GRID2: variants seen among roughly 807,000 people sequenced by gnomAD.
GRID2 encodes the protein glutamate ionotropic receptor delta type subunit 2, also known as glutamate receptor ionotropic, delta-2.
GRID2 carries 33 observed loss-of-function variants against 114.8 expected under a neutral mutation model. The observed-to-expected ratio is 0.29, with a 90% CI of 0.22 to 0.38. The LOEUF (loss-of-function observed/expected upper bound fraction) is 0.38. Ranked by LOEUF, GRID2 falls within the 10% of genes least tolerant of loss-of-function variation. The pLI, the probability that GRID2 is intolerant of heterozygous loss-of-function variation, is 1.00. For missense variants in GRID2, 1,184 were observed against 1,257.7 expected, an observed-to-expected ratio of 0.94 and a Z score of 0.89; for synonymous variants, 505 against 449.9, an observed-to-expected ratio of 1.12 and a Z score of -1.55.
Position 92,720,744 on chromosome 4 carries a change from C to T in GRID2, c.244+130458C>T, listed in dbSNP as rs371718858. Reference sequence around the variant, plus strand: ...TGATATGTACTACTTTTTTCAGAACCATCTTCTGAGTACAAGCCATCACTA... The same window carrying T: ...TGATATGTACTACTTTTTTCAGAACTATCTTCTGAGTACAAGCCATCACTA... On this transcript the variant is annotated intron_variant, in intron 2 of 15. Coordinates refer to ENST00000282020, the MANE Select transcript of GRID2 (RefSeq NM_001510.4). 1.2e-4 allele frequency among the ~76,000 whole-genome samples: 18 copies of T among 151,910 alleles called. No individual in the cohort carries two copies. In the East Asian group the frequency reaches 2.9e-3, roughly 25 times the overall value.
chr4:92,787,494 G>T (rs1156724826), intron 2 of GRID2, among the ~76,000 whole-genome samples: 1 of 151,838 alleles, frequency 6.6e-6, no homozygotes, highest in Non-Finnish European at 1.5e-5. Flanking sequence ...AGTTCAGGAG[G>T]GGACAGCTGG....
intron 2 of GRID2, among the ~76,000 whole-genome samples, chr4:92,817,178 A>G (rs544895804): frequency 6.6e-6 from 1 of 152,068 alleles, no homozygotes; most frequent in African/African-American, 2.4e-5. Context: ...TTCCTTCCTC[A>G]TATTCACCCT....
intron 1 of GRID2, among the ~76,000 whole-genome samples, chr4:92,554,925 T>C (rs1726777249): frequency 6.6e-6 from 1 of 152,158 alleles, no homozygotes; most frequent in Non-Finnish European, 1.5e-5. Context: ...CAAGTTATGG[T>C]AATTGTGTTT....
At position 92,929,382 on chromosome 4, in the gene GRID2, T is replaced by TA. The variant is rs369464560; in HGVS notation, c.245-155606dup. ...TTTTATATAACACCTATATTTTGAT[T>TA]AAAAAAATTATTTCTTCTTTAAAAG... On this transcript the variant is annotated intron_variant, in intron 2 of 15. Transcript: ENST00000282020. Among the ~76,000 whole-genome samples, 71 of 151,392 alleles carry TA rather than the reference T, an allele frequency of 4.7e-4. 1 individual carries two copies. In the East Asian group the frequency reaches 0.012, roughly 25 times the overall value.
chr4:92,944,463 G>C (rs1751449401), intron 2 of GRID2, among the ~76,000 whole-genome samples: 1 of 152,174 alleles, frequency 6.6e-6, no homozygotes, highest in South Asian at 2.1e-4. Context: ...TTTTCCAGGT[G>C]CCGTCTGTCA....
chr4:92,353,604 G>A (rs1478124458), intron 1 of GRID2, among the ~76,000 whole-genome samples: 1 of 151,854 alleles, frequency 6.6e-6, no homozygotes, highest in African/African-American at 2.4e-5. Context: ...TCCTTAGCTT[G>A]TGTTTAAACA....
rs536654555 is a variant in GRID2, at chr4:92,841,774, A to G, written c.245-243221A>G. On this transcript the variant is annotated intron_variant, in intron 2 of 15. Coordinates refer to ENST00000282020, the MANE Select transcript of GRID2 (RefSeq NM_001510.4). Reference sequence around the variant, plus strand: ...CAATATGGTATTCAAACAAACACATATATTTATATTTATAGCTTAATTTTT... The same window carrying G: ...CAATATGGTATTCAAACAAACACATGTATTTATATTTATAGCTTAATTTTT... 3.3e-5 allele frequency among the ~76,000 whole-genome samples: 5 copies of G among 152,108 alleles called. No homozygotes were observed. In the South Asian group the frequency reaches 8.3e-4, roughly 25 times the overall value.
intron 2 of GRID2, among the ~76,000 whole-genome samples, chr4:93,021,761 ATAT>A (rs1560802862): frequency 1.4e-5 from 2 of 145,990 alleles, no homozygotes; most frequent in East Asian, 2.0e-4. Flanking sequence ...TATAATATGA[ATAT>A]TATAATATTT....
intron 2 of GRID2, among the ~76,000 whole-genome samples, chr4:92,625,333 A>C (rs1730467350): frequency 6.6e-6 from 1 of 151,864 alleles, no homozygotes; most frequent in African/African-American, 2.4e-5. Context: ...AGATCCTCAG[A>C]GATTAATCTA....
chr4:93,707,428 G>A (rs1161574976), intron 14 of GRID2, among the ~76,000 whole-genome samples: 1 of 151,960 alleles, frequency 6.6e-6, no homozygotes, highest in Non-Finnish European at 1.5e-5. Context: ...TTCAACCTTG[G>A]TAGGTTATAT....
intron 14 of GRID2, among the ~76,000 whole-genome samples, chr4:93,751,396 T>G (rs1024910606): frequency 2.3e-4 from 35 of 152,118 alleles, no homozygotes; most frequent in African/African-American, 8.2e-4. Flanking sequence ...TTTTCACCTG[T>G]TTTTCTTCTT....
intron 8 of GRID2, among the ~76,000 whole-genome samples, chr4:93,279,146 A>T (rs1461807768): frequency 6.6e-6 from 1 of 151,764 alleles, no homozygotes. Context: ...AATGTCCCAA[A>T]TATTTTAATA....
At chr4:92,323,025 T>C (rs966275604) in intron 1 of GRID2, among the ~76,000 whole-genome samples, 2 of 152,114 alleles carry the variant, frequency 1.3e-5, no homozygotes, top group African/African-American at 2.4e-5. Flanking sequence ...GCAGAACTGA[T>C]TGGACATTGG....
chr4:93,320,815 A>G (rs1173976335), intron 8 of GRID2, among the ~76,000 whole-genome samples: 1 of 152,088 alleles, frequency 6.6e-6, no homozygotes, highest in Non-Finnish European at 1.5e-5. Context: ...TATTTCATTA[A>G]TATAGTTTTT....
intron 13 of GRID2, among the ~76,000 whole-genome samples, chr4:93,616,223 G>C (rs1266505105): frequency 1.3e-5 from 2 of 152,082 alleles, no homozygotes. Flanking sequence ...TTGCAGGTAA[G>C]ATCTTTTAAT....
intron 11 of GRID2, among the ~76,000 whole-genome samples, chr4:93,459,560 C>T (rs571765714): frequency 6.6e-6 from 1 of 152,054 alleles, no homozygotes; most frequent in Non-Finnish European, 1.5e-5. Flanking sequence ...TGAGCATTGA[C>T]CAGAAATAGG....
chr4:92,511,613 G>T (rs1724255392), intron 1 of GRID2, among the ~76,000 whole-genome samples: 1 of 151,772 alleles, frequency 6.6e-6, no homozygotes, highest in Non-Finnish European at 1.5e-5. Context: ...GTTGCATTCA[G>T]CACTGTAGAG....
chr4:93,433,924 T>A (rs894711817), intron 10 of GRID2, among the ~76,000 whole-genome samples: 6 of 152,182 alleles, frequency 3.9e-5, no homozygotes, highest in Admixed American at 6.5e-5. Context: ...GAATCTAGCG[T>A]AAGTCCCTTG....
intron 1 of GRID2, among the ~76,000 whole-genome samples, chr4:92,381,724 GGT>G (rs948278995): frequency 6.6e-6 from 1 of 151,948 alleles, no homozygotes; most frequent in Admixed American, 6.6e-5. Context: ...AAATTTTGAT[GGT>G]GGAACATCAG....
Sources: allele counts gnomAD v4.1 joint callset (sites outside exome capture counted in the v4.1 genomes callset), GRCh38; gene constraint gnomAD v4.1.1; transcripts MANE v1.5; gene names NCBI Gene and HGNC (gene_info 2026-07-23, HGNC 2026-07-21).